The following B3GALT1 variants were observed in gnomAD, a reference collection of about 807,000 sequenced individuals.
B3GALT1 encodes the protein UDP-Gal:betaGlcNAc beta 1,3-galactosyltransferase, polypeptide 1.
B3GALT1 carries 10 observed loss-of-function variants against 23.2 expected under a neutral mutation model. The observed-to-expected ratio is 0.43, with a 90% CI of 0.27 to 0.73. The LOEUF (loss-of-function observed/expected upper bound fraction) is 0.73, where lower values mean the gene tolerates loss of function less well. Ranked by LOEUF, B3GALT1 falls within the 30% of genes least tolerant of loss-of-function variation. B3GALT1 has a pLI of 0.21. For missense variants in B3GALT1, 299 were observed against 405.4 expected (o/e 0.74, Z 2.25); for synonymous variants, 156 against 141.5 (o/e 1.10, Z -0.73).
Position 167,869,060 on chromosome 2 carries a change from T to C in B3GALT1, c.21T>C (p.Cys7=). 1 of 1,610,326 alleles carries C rather than the reference T, an allele frequency of 6.2e-7. No homozygotes were observed. Among genetic ancestry groups the C allele is most frequent in the Non-Finnish European group, 8.5e-7 (1 of 1,177,872 alleles). MASKVS[C]LYVLTVVCWA... ...AGACAATGGCTTCAAAGGTCTCCTG[T>C]TTGTATGTTTTGACAGTTGTGTGCT... is the stretch of plus-strand genomic sequence containing the variant. The change falls in exon 5 of 5, where the codon TGT becomes TGC. Residue 7 remains cysteine, a synonymous_variant. Coordinates refer to ENST00000392690, the MANE Select transcript of B3GALT1 (RefSeq NM_020981.4). The surrounding 1 kb of genome is among the most constrained non-coding windows in gnomAD (Gnocchi z 6.4).
At chr2:167,796,858 T>G (rs1043162722) in intron 3 of B3GALT1, among the ~76,000 whole-genome samples, 1 of 152,192 alleles carries the variant, frequency 6.6e-6, no homozygotes, top group Non-Finnish European at 1.5e-5. Flanking sequence ...TATGATAGAT[T>G]ATAGTAGACA....
intron 3 of B3GALT1, among the ~76,000 whole-genome samples, chr2:167,743,278 TTA>T (rs1309465574): frequency 6.6e-6 from 1 of 152,122 alleles, no homozygotes; most frequent in Non-Finnish European, 1.5e-5. Context: ...GGAGTTAAGT[TTA>T]TAAAGGTTCT....
chr2:167,824,572 T>C (rs934332695), intron 4 of B3GALT1, among the ~76,000 whole-genome samples: 6 of 152,184 alleles, frequency 3.9e-5, no homozygotes, highest in Non-Finnish European at 8.8e-5. Flanking sequence ...CGGTCCTCTC[T>C]ACCACTCCAC....
intron 2 of B3GALT1, among the ~76,000 whole-genome samples, chr2:167,639,668 T>A (rs1227851643): frequency 6.6e-6 from 1 of 151,962 alleles, no homozygotes; most frequent in Non-Finnish European, 1.5e-5. Context: ...CATATACTCA[T>A]GCAAATAAAG....
At chr2:167,417,439 C>T (rs544720482) in intron 1 of B3GALT1, among the ~76,000 whole-genome samples, 1 of 152,250 alleles carries the variant, frequency 6.6e-6, no homozygotes, top group African/African-American at 2.4e-5. Context: ...ACTTCTCAGG[C>T]TCCGTAACTG....
chr2:167,531,433 G>A (rs914584099), intron 2 of B3GALT1, among the ~76,000 whole-genome samples: 6 of 152,144 alleles, frequency 3.9e-5, no homozygotes. Context: ...ACCACCAGGT[G>A]TGAAGATTGA....
intron 3 of B3GALT1, among the ~76,000 whole-genome samples, chr2:167,667,564 T>G (rs1442817254): frequency 6.6e-6 from 1 of 152,234 alleles, no homozygotes; most frequent in Non-Finnish European, 1.5e-5. Flanking sequence ...TTGGTTCCAT[T>G]CTTCCCGTCA....
intron 1 of B3GALT1, among the ~76,000 whole-genome samples, chr2:167,430,535 A>G (rs962228551): frequency 6.6e-6 from 1 of 152,310 alleles, no homozygotes; most frequent in East Asian, 1.9e-4. Flanking sequence ...GTATCATGGT[A>G]GTAGCAGTGG....
chr2:167,676,642 A>G (rs1686432394), intron 3 of B3GALT1, among the ~76,000 whole-genome samples: 1 of 151,804 alleles, frequency 6.6e-6, no homozygotes. Flanking sequence ...GCTCACTGCA[A>G]CCTCTGCCTC....
intron 1 of B3GALT1, among the ~76,000 whole-genome samples, chr2:167,397,214 C>T (rs1455193016): frequency 1.3e-5 from 2 of 151,438 alleles, no homozygotes; most frequent in Non-Finnish European, 1.5e-5. Flanking sequence ...ATTCATTCTT[C>T]CCTCTCTCTC....
At chr2:167,816,682 A>C (rs912011206) in intron 3 of B3GALT1, among the ~76,000 whole-genome samples, 24 of 152,246 alleles carry the variant, frequency 1.6e-4, no homozygotes, top group African/African-American at 2.4e-5. Context: ...ATTCTACAAA[A>C]GCAAGGAAAT....
chr2:167,663,225 T>C (rs1422219429), intron 3 of B3GALT1, among the ~76,000 whole-genome samples: 1 of 151,190 alleles, frequency 6.6e-6, no homozygotes, highest in Non-Finnish European at 1.5e-5. Flanking sequence ...TTTTTTGTTC[T>C]TGCGATAGTT....
intron 3 of B3GALT1, among the ~76,000 whole-genome samples, chr2:167,793,730 C>A (rs1688488566): frequency 6.6e-6 from 1 of 152,084 alleles, no homozygotes; most frequent in Non-Finnish European, 1.5e-5. Flanking sequence ...AAAATTCAGC[C>A]CCCTAACCTA....
intron 1 of B3GALT1, among the ~76,000 whole-genome samples, chr2:167,299,311 A>G (rs1696407382): frequency 6.6e-6 from 1 of 152,204 alleles, no homozygotes; most frequent in Admixed American, 6.5e-5. Flanking sequence ...AGATACTACT[A>G]GACAAGAAGA....
At chr2:167,439,544 CTTTT>C (rs1177541709) in intron 1 of B3GALT1, among the ~76,000 whole-genome samples, 1 of 151,628 alleles carries the variant, frequency 6.6e-6, no homozygotes, top group African/African-American at 2.4e-5. Context: ...GCTTATTTCT[CTTTT>C]TTATTTTATT....
intron 2 of B3GALT1, among the ~76,000 whole-genome samples, chr2:167,597,000 A>G (rs1684784576): frequency 6.6e-6 from 1 of 152,198 alleles, no homozygotes; most frequent in South Asian, 2.1e-4. Flanking sequence ...GACTTATCCA[A>G]GGGCATGCAA....
intron 1 of B3GALT1, among the ~76,000 whole-genome samples, chr2:167,384,204 A>G (rs1246803633): frequency 6.6e-6 from 1 of 152,184 alleles, no homozygotes; most frequent in Non-Finnish European, 1.5e-5. Flanking sequence ...CTATATTTAA[A>G]TACCACACAG....
chr2:167,612,690 A>G (rs1685089389), intron 2 of B3GALT1, among the ~76,000 whole-genome samples: 2 of 151,866 alleles, frequency 1.3e-5, no homozygotes, highest in South Asian at 2.1e-4. Flanking sequence ...TGAGCTTTAC[A>G]ATGGAATTTT....
chr2:167,447,984 T>C (rs1574083318), intron 1 of B3GALT1, among the ~76,000 whole-genome samples: 1 of 152,328 alleles, frequency 6.6e-6, no homozygotes, highest in East Asian at 1.9e-4. Context: ...TCGGCCATCT[T>C]GGAACCTCCT....
Sources: gnomAD v4.1 joint callset for allele counts (sites outside exome capture counted in the v4.1 genomes callset) on GRCh38, gnomAD v4.1.1 for gene constraint, Gnocchi (gnomAD v3.1) non-coding constraint, MANE v1.5 for transcripts, NCBI Gene and HGNC (gene_info 2026-07-23, HGNC 2026-07-21) for gene names.